The following CEP63 variants were observed in gnomAD, a reference collection of about 807,000 sequenced individuals.
CEP63 encodes the protein centrosomal protein 63.
Under a neutral mutation model 89.1 loss-of-function variants are expected in CEP63, and 84 were observed. The observed-to-expected ratio is 0.94, with a 90% CI of 0.79 to 1.13. CEP63 has a LOEUF of 1.13. CEP63 is among the 50% of genes most tolerant of loss of function. The pLI is 0.00. For synonymous variants in CEP63, 267 were observed against 272.5 expected, an observed-to-expected ratio of 0.98 and a Z score of 0.20; for missense variants, 838 against 813.3, an observed-to-expected ratio of 1.03 and a Z score of -0.37.
the CEP63 span, among the ~76,000 whole-genome samples, chr3:134,683,771 T>C: frequency 2.6e-5 from 4 of 152,008 alleles, no homozygotes; most frequent in Non-Finnish European, 5.9e-5. Context: ...CCCTAGCTGC[T>C]CTGAGATGGT....
rs1957579454 is a variant in CEP63 at position 134,564,095 on chromosome 3, A to C, written c.*2560A>C. 5.6e-6 allele frequency: 1 copy of C among 179,520 alleles called. No homozygotes were observed. The highest frequency in any genetic ancestry group is 6.5e-5 in the Admixed American group (1 of 15,290). The allele number at this position is 179,520 out of a possible 1,614,324, so 11.1% of individuals were successfully genotyped here. On this transcript the variant is annotated 3_prime_UTR_variant, in exon 15 of 15. Transcript: ENST00000675561. ...GCTCACTACTATCTGAAATCATTTC[A>C]TTACTTGATTTATGTTTGTACTGTC...
chr3:134,699,644 T>C, the CEP63 span, among the ~76,000 whole-genome samples: 1 of 152,200 alleles, frequency 6.6e-6, no homozygotes, highest in African/African-American at 2.4e-5. Flanking sequence ...CTCACGGTTC[T>C]ATGTGGGAAT....
chr3:134,530,683 CT>C (rs1485288035), intron 3 of CEP63, among the ~76,000 whole-genome samples: 1 of 152,084 alleles, frequency 6.6e-6, no homozygotes, highest in African/African-American at 2.4e-5. Flanking sequence ...TCACTTACAT[CT>C]TTTTTTAAAA....
At chr3:134,570,949 T>C (rs1189264796) in intron 11 of CEP63, among the ~76,000 whole-genome samples, 2 of 152,160 alleles carry the variant, frequency 1.3e-5, no homozygotes, top group African/African-American at 4.8e-5. Flanking sequence ...ACTCCCCTTG[T>C]TAAAAACATC....
the CEP63 span, among the ~76,000 whole-genome samples, chr3:134,684,729 T>C: frequency 6.6e-6 from 1 of 152,362 alleles, no homozygotes; most frequent in Admixed American, 6.5e-5. Context: ...GGTGGTCTTC[T>C]GCAGCAACAG....
the CEP63 span, among the ~76,000 whole-genome samples, chr3:134,738,997 C>G: frequency 7.3e-5 from 11 of 150,760 alleles, no homozygotes; most frequent in Non-Finnish European, 1.6e-4. Flanking sequence ...TAACAAGTGC[C>G]GATGAGGCCA....
the CEP63 span, among the ~76,000 whole-genome samples, chr3:134,729,304 T>C: frequency 6.6e-6 from 1 of 152,216 alleles, no homozygotes; most frequent in East Asian, 1.9e-4. Context: ...AAATAAGCAA[T>C]TAAAAATACT....
chr3:134,557,748 C>A (rs1409440453), intron 12 of CEP63, among the ~76,000 whole-genome samples: 1 of 152,170 alleles, frequency 6.6e-6, no homozygotes, highest in Non-Finnish European at 1.5e-5. Flanking sequence ...GTTCAAATTT[C>A]TTTCCTTGAA....
intron 2 of CEP63, among the ~76,000 whole-genome samples, chr3:134,506,872 C>T (rs955529432): frequency 3.6e-5 from 5 of 137,574 alleles, no homozygotes; most frequent in South Asian, 2.4e-4. Context: ...GAGCCATGAT[C>T]ATGCCACTGC....
Position 134,551,781 on chromosome 3 carries a change from GTA to G in CEP63, c.1381-132_1381-131del, listed in dbSNP as rs3060258. On this transcript the variant is annotated intron_variant, in intron 11 of 14. Coordinates refer to ENST00000675561, the MANE Select transcript of CEP63 (RefSeq NM_001353108.3). ...CACACACACACGTACATATATATAT[GTA>G]TATATATATATAAATATGTATATGT... is the stretch of plus-strand genomic sequence containing the variant. 701 of 184,002 alleles carry G rather than the reference GTA, an allele frequency of 3.8e-3. 7 individuals carry two copies. The highest frequency in any genetic ancestry group is 0.012 in the African/African-American group (491 of 39,382). The allele number at this position is 184,002 out of a possible 1,614,324, so 11.4% of individuals were successfully genotyped here. A position where few individuals can be genotyped will look rare whatever the true frequency, so the allele number is the denominator to read the frequency against.
the CEP63 span, among the ~76,000 whole-genome samples, chr3:134,643,892 T>A: frequency 6.6e-6 from 1 of 150,976 alleles, no homozygotes; most frequent in African/African-American, 2.4e-5. Context: ...AGTGGCGCGA[T>A]CTCTGCTCAC....
At chr3:134,680,732 T>C in the CEP63 span, among the ~76,000 whole-genome samples, 1 of 152,206 alleles carries the variant, frequency 6.6e-6, no homozygotes, top group African/African-American at 2.4e-5. Context: ...CTTTGCAAGA[T>C]AGTTCCTTAT....
chr3:134,486,114 G>T lies in CEP63; in HGVS notation c.-114G>T. The T allele has an allele frequency of 4.1e-6, 4 of 985,464 alleles. No individual in the cohort carries two copies. Among genetic ancestry groups the T allele is most frequent in the Non-Finnish European group, 4.8e-6 (4 of 830,008 alleles). 61.0% of individuals were successfully genotyped at this position (985,464 alleles called of 1,614,324 possible). ...GAAGGCATTGTTTCAATTATTAAAA[G>T]TGTGGGGGCAGTGGGCGGAACAAAC... On this transcript the variant is annotated 5_prime_UTR_variant, in exon 1 of 15. Coordinates refer to ENST00000675561, the MANE Select transcript of CEP63 (RefSeq NM_001353108.3).
chr3:134,601,353 C>T, the CEP63 span, among the ~76,000 whole-genome samples: 1 of 152,092 alleles, frequency 6.6e-6, no homozygotes, highest in African/African-American at 2.4e-5. Flanking sequence ...GTGGCATTCT[C>T]TGCAATGCTC....
chr3:134,726,469 C>G, the CEP63 span, among the ~76,000 whole-genome samples: 1 of 146,484 alleles, frequency 6.8e-6, no homozygotes, highest in Non-Finnish European at 1.5e-5. Context: ...GACACACACA[C>G]ACACACACAC....
At chr3:134,509,372 A>G (rs975126396) in intron 3 of CEP63, among the ~76,000 whole-genome samples, 3 of 152,182 alleles carry the variant, frequency 2.0e-5, no homozygotes, top group African/African-American at 7.2e-5. Context: ...ATCTGCCCCC[A>G]TGATCCAGTC....
At chr3:134,771,193 G>A in the CEP63 span, among the ~76,000 whole-genome samples, 1 of 152,172 alleles carries the variant, frequency 6.6e-6, no homozygotes, top group East Asian at 1.9e-4. Context: ...ATACAGTGAA[G>A]AGAGTCTTTT....
At chr3:134,604,346 G>A in the CEP63 span, 1 of 1,614,014 alleles carries the variant, frequency 6.2e-7, no homozygotes, top group Non-Finnish European at 8.5e-7. Flanking sequence ...CCCATGGTTG[G>A]AGGGTACACC....
At chr3:134,714,255 A>C in the CEP63 span, among the ~76,000 whole-genome samples, 1 of 152,232 alleles carries the variant, frequency 6.6e-6, no homozygotes, top group Non-Finnish European at 1.5e-5. Context: ...GGTCAAAGAA[A>C]ACAAGACTCT....
Sources: gnomAD v4.1 joint callset for allele counts (sites outside exome capture counted in the v4.1 genomes callset) on GRCh38, gnomAD v4.1.1 for gene constraint, MANE v1.5 for transcripts, NCBI Gene and HGNC (gene_info 2026-07-23, HGNC 2026-07-21) for gene names.